Variants in SRGAP3 observed in about 807,000 individuals in gnomAD.
SRGAP3 encodes SLIT-ROBO Rho GTPase activating protein 3.
SRGAP3 carries 39 observed loss-of-function variants against 121.1 expected under a neutral mutation model. The observed-to-expected ratio is 0.32, with a 90% CI of 0.25 to 0.42. The LOEUF (loss-of-function observed/expected upper bound fraction) is 0.42, where lower values mean the gene tolerates loss of function less well. Ranked by LOEUF, SRGAP3 falls within the 10% of genes least tolerant of loss-of-function variation. The pLI, the probability that SRGAP3 is intolerant of heterozygous loss-of-function variation, is 1.00. For synonymous variants in SRGAP3, 601 were observed against 570.0 expected (o/e 1.05, Z -0.77); for missense variants, 1,213 against 1,470.6 (o/e 0.82, Z 2.86).
intron 3 of SRGAP3, among the ~76,000 whole-genome samples, chr3:9,271,525 C>T (rs1214125716): frequency 6.6e-6 from 1 of 152,150 alleles, no homozygotes; most frequent in African/African-American, 2.4e-5. Context: ...AGGACCCTCC[C>T]GGTTTCAGAA....
chr3:9,028,171 A>G, intron 12 of SRGAP3: 1 of 1,613,432 alleles, frequency 6.2e-7, no homozygotes, highest in Non-Finnish European at 8.5e-7. Context: ...CAGGAGAAAA[A>G]GAAAAGATTA....
intron 1 of SRGAP3, among the ~76,000 whole-genome samples, chr3:9,246,558 A>C (rs1367037049): frequency 6.6e-6 from 1 of 152,182 alleles, no homozygotes; most frequent in Non-Finnish European, 1.5e-5. Context: ...CAAGTCATTT[A>C]ACATTAACTG....
At chr3:9,306,969 G>T (rs1251494343) in intron 3 of SRGAP3, among the ~76,000 whole-genome samples, 1 of 152,022 alleles carries the variant, frequency 6.6e-6, no homozygotes, top group Non-Finnish European at 1.5e-5. Flanking sequence ...TTACACACTT[G>T]TATGACTTTT....
chr3:9,230,831 T>C (rs1027233649), intron 1 of SRGAP3, among the ~76,000 whole-genome samples: 2 of 149,912 alleles, frequency 1.3e-5, no homozygotes, highest in Non-Finnish European at 3.0e-5. Flanking sequence ...CGCCACTGCA[T>C]TCCAGCCTGA....
rs778357304 is a variant in SRGAP3, at chr3:9,047,419, G to A, written c.1380C>T (p.His460=). 1.3e-5 allele frequency: 21 copies of A among 1,614,036 alleles called. No homozygotes were observed. The highest frequency in any genetic ancestry group is 5.0e-5 in the Admixed American group (3 of 60,008). The change falls in exon 10 of 22, where the codon CAC becomes CAT. Residue 460 remains histidine, a synonymous_variant. Coordinates refer to ENST00000383836, the MANE Select transcript of SRGAP3 (RefSeq NM_014850.4). ...CGCCCAGGGTCTGCTTGAGTAAATC[G>A]TGCTTGGCCTGCAGCTTGGTGATGA... is the stretch of plus-strand genomic sequence containing the variant. ...SNLITKLQAK[H]DLLKQTLGEG...
chr3:9,140,220 G>A (rs1170293862), intron 1 of SRGAP3, among the ~76,000 whole-genome samples: 2 of 152,004 alleles, frequency 1.3e-5, no homozygotes, highest in African/African-American at 2.4e-5. Flanking sequence ...ACTTGGATAC[G>A]GCATAACTAT....
intron 1 of SRGAP3, among the ~76,000 whole-genome samples, chr3:9,354,117 CAGA>C (rs1387097897): frequency 7.5e-6 from 1 of 134,098 alleles, no homozygotes; most frequent in African/African-American, 3.5e-5. Context: ...GCTATAATGG[CAGA>C]AGAAGGAAGG....
At chr3:9,217,131 G>A (rs754802854) in intron 1 of SRGAP3, 7 of 152,114 alleles carry the variant, frequency 4.6e-5, no homozygotes, top group Non-Finnish European at 8.8e-5. Flanking sequence ...TCATTGAACT[G>A]TGCATTTAAA....
In SRGAP3 at chr3:9,032,701, G is replaced by C. The variant is rs752577858; in HGVS notation, c.1488C>G (p.Leu496=). Residue 496 remains leucine (L), a synonymous_variant, in exon 12 of 22, where the codon CTC becomes CTG. Coordinates refer to ENST00000383836, the MANE Select transcript of SRGAP3 (RefSeq NM_014850.4). ...KPQKMRRPRP[L]SVYSHKLFNG... The stretch of plus-strand genomic sequence containing the variant: ...TAAAGAGTTTATGGCTATACACTGA[G>C]AGAGGCCTAGGTCTCCTCATTTTCT... 2.4e-5 allele frequency: 39 copies of C among 1,613,708 alleles called. No homozygotes were observed. Among genetic ancestry groups the C allele is most frequent in the Admixed American group, 3.3e-5 (2 of 59,958 alleles).
At chr3:9,131,984 C>T (rs924857601) in intron 1 of SRGAP3, among the ~76,000 whole-genome samples, 22 of 152,130 alleles carry the variant, frequency 1.4e-4, no homozygotes, top group African/African-American at 4.6e-4. Flanking sequence ...GGCAAACAGC[C>T]CGTGTGACCC....
intron 1 of SRGAP3, among the ~76,000 whole-genome samples, chr3:9,159,102 G>A (rs1461480512): frequency 6.6e-6 from 1 of 152,098 alleles, no homozygotes; most frequent in Non-Finnish European, 1.5e-5. Flanking sequence ...CTCGTGTTCT[G>A]TACTGGGGTC....
chr3:9,302,033 G>GAGAGCTAACA (rs1955066994), intron 3 of SRGAP3, among the ~76,000 whole-genome samples: 1 of 152,166 alleles, frequency 6.6e-6, no homozygotes, highest in Non-Finnish European at 1.5e-5. Flanking sequence ...TCGTCTTGCC[G>GAGAGCTAACA]AGAGCTAACA....
rs369558662 is a variant in SRGAP3, at chr3:8,990,961, C to T, written c.2559-122G>A. 22 of 826,612 alleles carry T rather than the reference C, an allele frequency of 2.7e-5. No individual in the cohort carries two copies. In the African/African-American group the frequency reaches 3.3e-4, roughly 12 times the overall value. The allele number at this position is 826,612 out of a possible 1,614,324, so 51.2% of individuals were successfully genotyped here. Reference sequence around the variant, plus strand: ...AGTCTAAGGAGCGGGTACAGTAAAGCCTCATTCAGCCAGACCCTACAATTC... The same window carrying T: ...AGTCTAAGGAGCGGGTACAGTAAAGTCTCATTCAGCCAGACCCTACAATTC... On this transcript the variant is annotated intron_variant, in intron 20 of 21. Transcript: ENST00000383836.
chr3:9,060,744 GTT>G (rs34124172), intron 5 of SRGAP3, among the ~76,000 whole-genome samples: 5,409 of 151,102 alleles, frequency 0.036, 316 homozygotes, highest in African/African-American at 0.12. Context: ...CGGCCCAGTG[GTT>G]TTTTTTTTCT....
intron 14 of SRGAP3, among the ~76,000 whole-genome samples, chr3:9,022,737 A>G (rs1943990187): frequency 6.6e-6 from 1 of 152,254 alleles, no homozygotes; most frequent in African/African-American, 2.4e-5. Flanking sequence ...AGCATGCTCC[A>G]TTGTCAACTC....
rs1953935487 is a variant in SRGAP3, at chr3:9,249,312, C to T, written c.-361G>A. 2.3e-6 allele frequency: 1 copy of T among 435,728 alleles called. No individual in the cohort carries two copies. Among genetic ancestry groups the T allele is most frequent in the Non-Finnish European group, 4.3e-6 (1 of 233,604 alleles). 27.0% of individuals were successfully genotyped at this position (435,728 alleles called of 1,614,324 possible). ...ACACATGCACACGTACACACACTCACGCATGCACAGGCACACTCACCGGGA... is the reference window on the plus strand; with the variant it reads ...ACACATGCACACGTACACACACTCATGCATGCACAGGCACACTCACCGGGA... On this transcript the variant is annotated 5_prime_UTR_variant, in exon 1 of 22. In the 5' UTR this introduces an upstream ATG that the reference lacks. Coordinates refer to ENST00000383836, the MANE Select transcript of SRGAP3 (RefSeq NM_014850.4).
At chr3:9,006,166 T>A (rs1032577828) in intron 18 of SRGAP3, among the ~76,000 whole-genome samples, 1 of 151,990 alleles carries the variant, frequency 6.6e-6, no homozygotes, top group Non-Finnish European at 1.5e-5. Flanking sequence ...TTTGGGAGGC[T>A]GAGGCAAGCA....
chr3:9,314,014 A>G (rs1955299848), intron 3 of SRGAP3, among the ~76,000 whole-genome samples: 1 of 152,232 alleles, frequency 6.6e-6, no homozygotes, highest in Non-Finnish European at 1.5e-5. Context: ...AAAATAGCTT[A>G]TAATTTATTT....
chr3:9,058,168 C>T (rs968122831), intron 7 of SRGAP3, 83 bp downstream of exon 7: 51 of 1,462,460 alleles, frequency 3.5e-5, no homozygotes, highest in Middle Eastern at 2.3e-4. Context: ...ACTTTCTGTA[C>T]GTGCAACCAG....
Sources: allele counts gnomAD v4.1 joint callset (sites outside exome capture counted in the v4.1 genomes callset), GRCh38; gene constraint gnomAD v4.1.1; transcripts MANE v1.5; gene names NCBI Gene and HGNC (gene_info 2026-07-23, HGNC 2026-07-21).